Variants in APBB2 observed in about 807,000 individuals in gnomAD.
APBB2 encodes the protein Fe65-like 1.
A neutral mutation model predicts 82.5 loss-of-function variants in APBB2; 38 were observed. The ratio of observed to expected loss-of-function variants is 0.46; its 90% CI spans 0.36 to 0.60. APBB2 has a LOEUF of 0.60. APBB2 is among the 20% of genes least tolerant of loss of function. The pLI is 0.00. For synonymous variants in APBB2, 341 were observed against 368.2 expected (o/e 0.93, Z 0.85); for missense variants, 772 against 972.3 (o/e 0.79, Z 2.74).
intron 11 of APBB2, chr4:40,890,732 C>T: frequency 2.4e-6 from 1 of 423,840 alleles, no homozygotes. Context: ...TCCTGCTTTC[C>T]AGGCTGCTCT....
At chr4:41,026,425 A>T (rs7683150) in intron 5 of APBB2, among the ~76,000 whole-genome samples, 6,973 of 152,272 alleles carry the variant, frequency 0.046, 339 homozygotes, top group African/African-American at 0.12. Context: ...TGTGCATCCA[A>T]TAATACTATC....
At chr4:40,888,947 A>G (rs557677781) in intron 12 of APBB2, among the ~76,000 whole-genome samples, 1 of 152,398 alleles carries the variant, frequency 6.6e-6, no homozygotes, top group East Asian at 1.9e-4. Flanking sequence ...ACCTTCCACC[A>G]AAGTTAAATG....
intron 4 of APBB2, among the ~76,000 whole-genome samples, chr4:41,037,331 T>C (rs1719621143): frequency 6.6e-6 from 1 of 152,222 alleles, no homozygotes; most frequent in South Asian, 2.1e-4. Flanking sequence ...AAATATTGAT[T>C]GCATGTTGAA....
chr4:40,865,032 T>C (rs1763723411), intron 12 of APBB2, among the ~76,000 whole-genome samples: 1 of 152,070 alleles, frequency 6.6e-6, no homozygotes. Context: ...CTAATTTTTG[T>C]ATTTTTAATA....
chr4:41,137,717 G>T (rs769756452), intron 2 of APBB2, among the ~76,000 whole-genome samples: 5 of 152,122 alleles, frequency 3.3e-5, no homozygotes, highest in African/African-American at 1.2e-4. Context: ...TACATTTGTG[G>T]TCAATTGATT....
Position 40,874,916 on chromosome 4 carries a change from G to A in APBB2, c.1529+15448C>T, listed in dbSNP as rs1256196289. ...GTATTATTCAAACTATGACCAATCA[G>A]TGGTCACAAACAGCGTTTTAAAAGT... On this transcript the variant is annotated intron_variant, in intron 12 of 17. Transcript: ENST00000508593. Among the ~76,000 whole-genome samples the A allele has an allele frequency of 2.0e-5, 3 of 152,158 alleles. No individual in the cohort carries two copies. In the South Asian group the frequency reaches 6.2e-4, roughly 32 times the overall value.
At chr4:40,986,746 T>A (rs1657409869) in intron 6 of APBB2, among the ~76,000 whole-genome samples, 1 of 152,154 alleles carries the variant, frequency 6.6e-6, no homozygotes, top group Admixed American at 6.5e-5. Context: ...AATAGCAAAG[T>A]CCCTTACACA....
intron 1 of APBB2, among the ~76,000 whole-genome samples, chr4:41,182,096 A>G (rs1771571088): frequency 6.6e-6 from 1 of 152,168 alleles, no homozygotes; most frequent in Non-Finnish European, 1.5e-5. Flanking sequence ...AGGTCACATA[A>G]AGATCTTTCC....
At chr4:41,189,880 T>G (rs1167427135) in intron 1 of APBB2, among the ~76,000 whole-genome samples, 3 of 152,206 alleles carry the variant, frequency 2.0e-5, no homozygotes, top group African/African-American at 4.8e-5. Context: ...GAGACAGGCC[T>G]GGGGCCCATT....
chr4:40,869,364 T>C (rs1270233295), intron 12 of APBB2, among the ~76,000 whole-genome samples: 1 of 151,918 alleles, frequency 6.6e-6, no homozygotes, highest in Non-Finnish European at 1.5e-5. Flanking sequence ...GGTAGGAGGA[T>C]CAGTTGAGGC....
intron 6 of APBB2, among the ~76,000 whole-genome samples, chr4:41,006,818 T>G (rs1330541166): frequency 1.3e-5 from 2 of 152,186 alleles, no homozygotes; most frequent in Non-Finnish European, 2.9e-5. Flanking sequence ...CAGTTAAAAT[T>G]AACCAAAAGC....
intron 2 of APBB2, among the ~76,000 whole-genome samples, chr4:41,102,042 AATAAG>A (rs1218501684): frequency 2.0e-5 from 3 of 152,212 alleles, no homozygotes; most frequent in Non-Finnish European, 2.9e-5. Context: ...TAAAATCATT[AATAAG>A]ATAAAATAGT....
intron 1 of APBB2, among the ~76,000 whole-genome samples, chr4:41,194,472 C>T: frequency 6.6e-6 from 1 of 152,148 alleles, no homozygotes; most frequent in Non-Finnish European, 1.5e-5. Context: ...TGCTTGAGCC[C>T]AGGAGTTTGA....
intron 3 of APBB2, among the ~76,000 whole-genome samples, chr4:41,088,335 A>C (rs969929901): frequency 6.6e-6 from 1 of 152,202 alleles, no homozygotes; most frequent in African/African-American, 2.4e-5. Context: ...ACATCAATAT[A>C]CACCCACTAT....
At chr4:40,875,567 A>C (rs1479183578) in intron 12 of APBB2, among the ~76,000 whole-genome samples, 2 of 152,234 alleles carry the variant, frequency 1.3e-5, no homozygotes, top group Non-Finnish European at 2.9e-5. Flanking sequence ...GACATTTTAC[A>C]TCTTTTTAAT....
intron 3 of APBB2, among the ~76,000 whole-genome samples, chr4:41,068,855 G>A (rs1011469911): frequency 7.0e-6 from 1 of 141,902 alleles, no homozygotes; most frequent in Non-Finnish European, 1.5e-5. Context: ...GAGTGCAGTG[G>A]CGTGATCTCA....
chr4:41,000,105 G>GTGTA (rs10694468), intron 6 of APBB2, among the ~76,000 whole-genome samples: 2,015 of 135,124 alleles, frequency 0.015, 86 homozygotes, highest in African/African-American at 0.033. Context: ...GTGTGTGTGT[G>GTGTA]TATAAATTAG....
chr4:40,880,086 C>T (rs1286729910), intron 12 of APBB2: 3 of 985,400 alleles, frequency 3.0e-6, no homozygotes, highest in South Asian at 9.4e-5. Flanking sequence ...GAAAGGACCT[C>T]CATATTTCAG....
intron 1 of APBB2, among the ~76,000 whole-genome samples, chr4:41,210,925 T>C (rs1045346197): frequency 6.6e-6 from 1 of 152,166 alleles, no homozygotes; most frequent in African/African-American, 2.4e-5. Flanking sequence ...TAAGATGATA[T>C]ATACAAAACC....
Sources: allele counts gnomAD v4.1 joint callset (sites outside exome capture counted in the v4.1 genomes callset), GRCh38; gene constraint gnomAD v4.1.1; transcripts MANE v1.5; gene names NCBI Gene and HGNC (gene_info 2026-07-23, HGNC 2026-07-21).